Variants in HNRNPC observed in about 807,000 individuals in gnomAD.
HNRNPC encodes the protein heterogeneous nuclear ribonucleoprotein C, also known as heterogeneous nuclear ribonucleoproteins C1/C2.
In HNRNPC, 3 loss-of-function variants were observed where a neutral mutation model predicts 33.2. The ratio of observed to expected loss-of-function variants is 0.09; its 90% CI spans 0.04 to 0.23. The LOEUF (loss-of-function observed/expected upper bound fraction) is 0.23. HNRNPC is among the 10% of genes least tolerant of loss of function. HNRNPC has a pLI of 1.00. For synonymous variants in HNRNPC, 121 were observed against 126.7 expected, an observed-to-expected ratio of 0.96 and a Z score of 0.30; for missense variants, 143 against 366.7, an observed-to-expected ratio of 0.39 and a Z score of 4.98.
At chr14:21,240,966 A>G (rs1895268681) in intron 2 of HNRNPC, among the ~76,000 whole-genome samples, 1 of 152,150 alleles carries the variant, frequency 6.6e-6, no homozygotes, top group Non-Finnish European at 1.5e-5. Flanking sequence ...TTCCTTTATT[A>G]CTGTATCTTA....
At position 21,215,898 on chromosome 14, in the gene HNRNPC, T is replaced by TAAAA. The variant is rs3064165; in HGVS notation, c.366-2785_366-2782dup. ...TCAGTGACAGAGCAAGACTCCGTCT[T>TAAAA]AAAAAAAAAAAAAAGAAAGGAAGAA... On this transcript the variant is annotated intron_variant, in intron 5 of 8. Coordinates refer to ENST00000553300, the MANE Select transcript of HNRNPC (RefSeq NM_004500.4). Among the ~76,000 whole-genome samples the TAAAA allele has an allele frequency of 3.7e-3, 361 of 98,570 alleles. 1 individual carries two copies. The highest frequency in any genetic ancestry group is 0.017 in the Admixed American group (155 of 8,858). 64.7% of individuals were successfully genotyped at this position (98,570 alleles called of 152,430 possible).
chr14:21,230,541 C>T (rs1893993885), intron 4 of HNRNPC, 175 bp from the exon 5 acceptor site: 6 of 557,882 alleles, frequency 1.1e-5, no homozygotes, highest in Non-Finnish European at 1.6e-5. Flanking sequence ...CCTTAGACCA[C>T]TGGAAATGTA....
chr14:21,235,285 G>A (rs4981367), intron 2 of HNRNPC, among the ~76,000 whole-genome samples: 24,246 of 152,090 alleles, frequency 0.16, 2,207 homozygotes, highest in Admixed American at 0.24. Flanking sequence ...GAAAGGTACT[G>A]ATAAATCTCA....
Position 21,221,229 on chromosome 14 carries a change from A to G in HNRNPC, c.366-8112T>C, listed in dbSNP as rs139399018. Among the ~76,000 whole-genome samples the G allele has an allele frequency of 2.2e-4, 34 of 152,342 alleles. 1 individual carries two copies. Among genetic ancestry groups the G allele is most frequent in the African/African-American group, 7.9e-4 (33 of 41,572 alleles). ...TGACTTTCTCCTATTTACTCTTTCA[A>G]CATTCGCTCTACAACTGCAGTCTGG... On this transcript the variant is annotated intron_variant, in intron 5 of 8. Coordinates refer to ENST00000553300, the MANE Select transcript of HNRNPC (RefSeq NM_004500.4).
intron 5 of HNRNPC, among the ~76,000 whole-genome samples, chr14:21,215,423 AC>A (rs1388189677): frequency 6.6e-6 from 1 of 152,244 alleles, no homozygotes; most frequent in Non-Finnish European, 1.5e-5. Flanking sequence ...AGATGAGGCA[AC>A]AATAGCTGAT....
chr14:21,218,820 A>G (rs956936424), intron 5 of HNRNPC, among the ~76,000 whole-genome samples: 3 of 151,018 alleles, frequency 2.0e-5, no homozygotes, highest in Non-Finnish European at 4.4e-5. Flanking sequence ...TGAGACAAAG[A>G]AAAAAAAATT....
At chr14:21,215,034 C>A (rs1490394031) in intron 5 of HNRNPC, among the ~76,000 whole-genome samples, 3 of 152,172 alleles carry the variant, frequency 2.0e-5, no homozygotes, top group African/African-American at 7.2e-5. Flanking sequence ...TTTTTAAAAC[C>A]TACTATTTCG....
rs529163273 is a variant in HNRNPC at position 21,222,880 on chromosome 14, G to C, written c.365+7439C>G. Among the ~76,000 whole-genome samples the C allele has an allele frequency of 1.5e-3, 227 of 151,114 alleles. 1 individual carries two copies. The highest frequency in any genetic ancestry group is 3.7e-3 in the Admixed American group (56 of 15,196). On this transcript the variant is annotated intron_variant, in intron 5 of 8. Coordinates refer to ENST00000553300, the MANE Select transcript of HNRNPC (RefSeq NM_004500.4). Reference sequence around the variant, plus strand: ...CTGCACTCCAGCCTGGGCGACAGAGGGAGACTCCGTCTCAAAAAAAAACCA... The same window carrying C: ...CTGCACTCCAGCCTGGGCGACAGAGCGAGACTCCGTCTCAAAAAAAAACCA...
intron 2 of HNRNPC, among the ~76,000 whole-genome samples, chr14:21,259,439 A>T (rs1877798105): frequency 6.6e-6 from 1 of 152,222 alleles, no homozygotes; most frequent in African/African-American, 2.4e-5. Flanking sequence ...CCCAAACCTA[A>T]TGATTTTCAA....
chr14:21,256,000 T>C (rs1038097098), intron 2 of HNRNPC, among the ~76,000 whole-genome samples: 2 of 152,124 alleles, frequency 1.3e-5, no homozygotes, highest in African/African-American at 2.4e-5. Context: ...ATGTGTTCAA[T>C]ACAGTTAAGA....
In HNRNPC at chr14:21,218,681, C is replaced by CAAAAAAAAAA. The variant is rs71112557; in HGVS notation, c.366-5574_366-5565dup. ...TGGGAGACAAAGCGAAACTCTCTCT[C>CAAAAAAAAAA]AAAAAAAAAAAAAAAAAAAAAAAAA... On this transcript the variant is annotated intron_variant, in intron 5 of 8. Coordinates refer to ENST00000553300, the MANE Select transcript of HNRNPC (RefSeq NM_004500.4). Among the ~76,000 whole-genome samples the CAAAAAAAAAA allele has an allele frequency of 3.2e-3, 165 of 51,248 alleles. 20 individuals are homozygous for CAAAAAAAAAA. Among genetic ancestry groups the CAAAAAAAAAA allele is most frequent in the African/African-American group, 6.9e-3 (67 of 9,702 alleles). 33.6% of individuals were successfully genotyped at this position (51,248 alleles called of 152,430 possible). A position where few individuals can be genotyped will look rare whatever the true frequency, so the allele number is the denominator to read the frequency against.
chr14:21,238,665 CTCA>C (rs770575066), intron 2 of HNRNPC, among the ~76,000 whole-genome samples: 103 of 152,112 alleles, frequency 6.8e-4, no homozygotes, highest in African/African-American at 2.3e-3. Context: ...GTCAATGCCC[CTCA>C]TCATCATATT....
intron 5 of HNRNPC, among the ~76,000 whole-genome samples, chr14:21,218,470 G>C (rs1052484466): frequency 1.3e-5 from 2 of 151,668 alleles, no homozygotes; most frequent in Admixed American, 1.3e-4. Flanking sequence ...TGGATTGCCT[G>C]AGATCATGAG....
intron 2 of HNRNPC, among the ~76,000 whole-genome samples, chr14:21,254,126 T>C (rs1876706591): frequency 1.3e-5 from 2 of 151,204 alleles, no homozygotes; most frequent in Admixed American, 6.6e-5. Flanking sequence ...TGCATACCCT[T>C]GAATAATTAT....
intron 2 of HNRNPC, among the ~76,000 whole-genome samples, chr14:21,234,490 C>T (rs1383278108): frequency 1.3e-5 from 2 of 152,132 alleles, no homozygotes; most frequent in Non-Finnish European, 2.9e-5. Context: ...AAAAATTCTC[C>T]CTGGCAGATC....
chr14:21,260,295 G>A (rs936371844), intron 2 of HNRNPC, among the ~76,000 whole-genome samples: 1 of 149,120 alleles, frequency 6.7e-6, no homozygotes, highest in East Asian at 2.0e-4. Context: ...GAAACCAGGA[G>A]GCAGAGGTTG....
chr14:21,214,074 T>C (rs963422828), intron 5 of HNRNPC, among the ~76,000 whole-genome samples: 1 of 152,242 alleles, frequency 6.6e-6, no homozygotes, highest in African/African-American at 2.4e-5. Flanking sequence ...TTCCACATTG[T>C]CATTTCCATA....
intron 5 of HNRNPC, among the ~76,000 whole-genome samples, chr14:21,226,876 C>A (rs1165712542): frequency 3.3e-5 from 1 of 30,024 alleles, no homozygotes; most frequent in African/African-American, 1.7e-4. Context: ...AAGACTCCAT[C>A]TCAAAAAAAA....
intron 7 of HNRNPC, 119 bp from the exon 8 acceptor site, chr14:21,211,685 C>T: frequency 1.4e-6 from 2 of 1,416,274 alleles, no homozygotes; most frequent in South Asian, 2.5e-5. Context: ...AAATACCCTT[C>T]CCAATTCACA....
Sources: allele counts gnomAD v4.1 joint callset (sites outside exome capture counted in the v4.1 genomes callset), GRCh38; gene constraint gnomAD v4.1.1; transcripts MANE v1.5; gene names NCBI Gene and HGNC (gene_info 2026-07-23, HGNC 2026-07-21).